ADGRE3: variants seen among roughly 807,000 people sequenced by gnomAD.
ADGRE3 encodes adhesion G protein-coupled receptor E3, also known as EGF-like module receptor 3.
Under a neutral mutation model 80.1 loss-of-function variants are expected in ADGRE3, and 88 were observed. The observed-to-expected ratio is 1.10, with a 90% CI of 0.93 to 1.31. The LOEUF is 1.31. Ranked by LOEUF, ADGRE3 falls within the 40% of genes most tolerant of loss-of-function variation. The pLI, the probability that ADGRE3 is intolerant of heterozygous loss-of-function variation, is 0.00. For missense variants in ADGRE3, 715 were observed against 776.5 expected (o/e 0.92, Z 0.94); for synonymous variants, 281 against 294.8 (o/e 0.95, Z 0.48).
chr19:14,602,537 G>T, the ADGRE3 span, among the ~76,000 whole-genome samples: 2 of 151,586 alleles, frequency 1.3e-5, no homozygotes, highest in South Asian at 4.2e-4. Context: ...CAAGTGATCT[G>T]CCGCCTTCAC....
the ADGRE3 span, among the ~76,000 whole-genome samples, chr19:14,604,762 C>A: frequency 2.0e-4 from 29 of 147,694 alleles, no homozygotes; most frequent in Admixed American, 4.1e-4. Flanking sequence ...GACTCTGACT[C>A]AAAAAAAAAA....
At chr19:14,648,837 C>T (rs1343527709) in intron 7 of ADGRE3, among the ~76,000 whole-genome samples, 1 of 152,112 alleles carries the variant, frequency 6.6e-6, no homozygotes, top group African/African-American at 2.4e-5. Context: ...TGCCTGCCTG[C>T]CCACCCTGCA....
chr19:14,623,352 C>T (rs1392697566), intron 15 of ADGRE3, among the ~76,000 whole-genome samples: 1 of 151,752 alleles, frequency 6.6e-6, no homozygotes, highest in Non-Finnish European at 1.5e-5. Context: ...CCACCTTGGC[C>T]TCCCAAAGTG....
At chr19:14,666,449 TC>T (rs1216506749) in intron 2 of ADGRE3, among the ~76,000 whole-genome samples, 2 of 151,718 alleles carry the variant, frequency 1.3e-5, no homozygotes, top group Non-Finnish European at 2.9e-5. Context: ...TGATCTCAGC[TC>T]ACTGCAGCCT....
At chr19:14,627,343 T>C (rs1456412733) in intron 14 of ADGRE3, among the ~76,000 whole-genome samples, 1 of 152,080 alleles carries the variant, frequency 6.6e-6, no homozygotes, top group Non-Finnish European at 1.5e-5. Context: ...GTGCTTATAC[T>C]CGTTATATAA....
intron 5 of ADGRE3, among the ~76,000 whole-genome samples, chr19:14,656,569 G>A (rs1971772459): frequency 1.3e-5 from 2 of 152,024 alleles, no homozygotes; most frequent in South Asian, 4.1e-4. Context: ...CTTACTGCTC[G>A]GGGAAGGCTG....
intron 2 of ADGRE3, among the ~76,000 whole-genome samples, chr19:14,665,998 G>GTTGA (rs1247608566): frequency 1.1e-5 from 1 of 87,724 alleles, no homozygotes; most frequent in East Asian, 3.9e-4. Flanking sequence ...TTATCCACGT[G>GTTGA]TTGATTGATG....
At chr19:14,665,286 ATC>A in intron 2 of ADGRE3, among the ~76,000 whole-genome samples, 1 of 151,388 alleles carries the variant, frequency 6.6e-6, no homozygotes, top group Middle Eastern at 3.4e-3. Context: ...GTTGGTCTTG[ATC>A]TCCTGACCTC....
At position 14,674,749 on chromosome 19, in the gene ADGRE3, GA is replaced by G; in HGVS notation, c.21del (p.Pro8GlnfsTer7). 6.2e-7 allele frequency: 1 copy of G among 1,613,944 alleles called. No individual in the cohort carries two copies. MQGPLL[L>X]PGLCFLLSLF... ...TCATTGTTACAGTCACACATACCTGGAAGAAGCAATGGTCCCTGCATTTCTG... is the reference window on the plus strand; with the variant it reads ...TCATTGTTACAGTCACACATACCTGGAGAAGCAATGGTCCCTGCATTTCTG... On this transcript the variant is annotated frameshift_variant, in exon 1 of 16. Coordinates refer to ENST00000253673, the MANE Select transcript of ADGRE3 (RefSeq NM_032571.5). LOFTEE classifies it high-confidence loss of function.
chr19:14,634,950 ACT>A (rs751783288), intron 11 of ADGRE3, among the ~76,000 whole-genome samples: 10 of 151,964 alleles, frequency 6.6e-5, no homozygotes, highest in Non-Finnish European at 1.3e-4. Flanking sequence ...GACCACTATA[ACT>A]CTGACTGGAA....
At chr19:14,625,658 G>T in intron 14 of ADGRE3, 59 bp from the exon 15 acceptor site, 1 of 1,017,226 alleles carries the variant, frequency 9.8e-7, no homozygotes, top group Non-Finnish European at 1.6e-6. Context: ...ACAGCAGAAA[G>T]GTCGGTGAGT....
intron 11 of ADGRE3, among the ~76,000 whole-genome samples, chr19:14,634,460 G>A (rs1970978039): frequency 1.3e-5 from 2 of 152,048 alleles, no homozygotes; most frequent in Non-Finnish European, 2.9e-5. Context: ...TGTTGGCTGG[G>A]GTGGACACAG....
Position 14,644,273 on chromosome 19 carries a change from C to A in ADGRE3, c.885G>T (p.Met295Ile). The A allele has an allele frequency of 1.3e-6, 2 of 1,503,690 alleles. No individual in the cohort carries two copies. Among genetic ancestry groups the A allele is most frequent in the Non-Finnish European group, 8.9e-7 (1 of 1,123,666 alleles). 93.1% of individuals were successfully genotyped at this position (1,503,690 alleles called of 1,614,324 possible). The change falls in exon 9 of 16, where the codon ATG becomes ATT. Residue 295 changes from methionine (M) to isoleucine (I), a missense_variant and splice_region_variant. Physicochemically the swap from Met to Ile is conservative, Grantham distance 10. Transcript: ENST00000253673. ...AGAAGACCTTTTTGGTACTGGGGGT[C>A]ATCTGAAAATAGAAAATAGAAAGGG... The part of the protein sequence containing the change: ...SVTLTFQHVK[M>I]TPSTKKVFCV...
At chr19:14,620,566 ATATTTT>A (rs1970569377) in intron 15 of ADGRE3, among the ~76,000 whole-genome samples, 4 of 16,050 alleles carry the variant, frequency 2.5e-4, no homozygotes, top group Non-Finnish European at 3.3e-4. Context: ...ATATATATAT[ATATTTT>A]TTTTTTTTTT....
chr19:14,668,577 G>T, intron 2 of ADGRE3: 1 of 543,918 alleles, frequency 1.8e-6, no homozygotes, highest in Non-Finnish European at 3.3e-6. Flanking sequence ...ACTCACTGTG[G>T]TTAGCAAAAA....
Position 14,663,699 on chromosome 19 carries a change from C to T in ADGRE3, c.77-159G>A, listed in dbSNP as rs547145605. Among the ~76,000 whole-genome samples the T allele has an allele frequency of 7.4e-4, 112 of 152,102 alleles. 1 individual carries two copies. Among genetic ancestry groups the T allele is most frequent in the African/African-American group, 2.2e-3 (91 of 41,500 alleles). ...ACTAAAAATACCAAAAATAGCCAGG[C>T]GTGGTGGTGCATGCCTATAATCCTA... On this transcript the variant is annotated intron_variant, in intron 2 of 15. Transcript: ENST00000253673.
In ADGRE3 at chr19:14,619,380, T is replaced by G. The variant is rs1599595303; in HGVS notation, c.*53A>C. On this transcript the variant is annotated 3_prime_UTR_variant, in exon 16 of 16. Transcript: ENST00000253673. ...TTTTCCTTAGCTTCATTCTTCATAATGCCAAAGAGATCCATGGATATGATT... is the reference window on the plus strand; with the variant it reads ...TTTTCCTTAGCTTCATTCTTCATAAGGCCAAAGAGATCCATGGATATGATT... 1 of 1,272,800 alleles carries G rather than the reference T, an allele frequency of 7.9e-7. No homozygotes were observed. Among genetic ancestry groups the G allele is most frequent in the East Asian group, 2.3e-5 (1 of 43,330 alleles). The allele number at this position is 1,272,800 out of a possible 1,614,324, so 78.8% of individuals were successfully genotyped here.
chr19:14,667,135 T>C (rs188049908), intron 2 of ADGRE3, among the ~76,000 whole-genome samples: 19 of 152,250 alleles, frequency 1.2e-4, no homozygotes, highest in African/African-American at 4.6e-4. Context: ...ACTCTGGGAA[T>C]GGGACTTGCT....
intron 11 of ADGRE3, among the ~76,000 whole-genome samples, chr19:14,637,559 ATTT>A (rs35923982): frequency 6.8e-6 from 1 of 146,638 alleles, no homozygotes; most frequent in Admixed American, 6.8e-5. Context: ...ATGCTTGGCT[ATTT>A]TTTTTTTTTT....
Sources: allele counts gnomAD v4.1 joint callset (sites outside exome capture counted in the v4.1 genomes callset), GRCh38; gene constraint gnomAD v4.1.1; transcripts MANE v1.5; gene names NCBI Gene and HGNC (gene_info 2026-07-23, HGNC 2026-07-21).